Variants in PDK3 observed in about 807,000 individuals in gnomAD.
PDK3 encodes the protein pyruvate dehydrogenase kinase 3.
A neutral mutation model predicts 32.0 loss-of-function variants in PDK3; 12 were observed. The observed-to-expected ratio is 0.37, with a 90% confidence interval of 0.24 to 0.61. The LOEUF is 0.61. Among genes scored for constraint, PDK3 ranks in the 20% least tolerant of loss-of-function variants. The pLI, the probability that PDK3 is intolerant of heterozygous loss-of-function variation, is 0.65. For synonymous variants in PDK3, 122 were observed against 116.3 expected (o/e 1.05, Z -0.31); for missense variants, 188 against 316.9 (o/e 0.59, Z 3.09).
At chrX:24,494,271 C>G (rs1010282221) in intron 1 of PDK3, among the ~76,000 whole-genome samples, 3 of 112,198 alleles carry the variant, frequency 2.7e-5, no homozygotes, top group Non-Finnish European at 5.6e-5. Context: ...GAGCTATGGT[C>G]CCTGAAGAAA....
chrX:24,545,128 A>G (rs1371350985), exon 12 of PDK3, among the ~76,000 whole-genome samples: 3 of 112,087 alleles, frequency 2.7e-5, no homozygotes, highest in Non-Finnish European at 5.6e-5. Context: ...AGAATACTCC[A>G]AACTAGCACA....
At chrX:24,522,062 C>A (rs1922411504) in intron 6 of PDK3, among the ~76,000 whole-genome samples, 1 of 112,016 alleles carries the variant, frequency 8.9e-6, no homozygotes, top group African/African-American at 3.2e-5. Flanking sequence ...GGAGAACTGT[C>A]TGGAAATAAA....
chrX:24,481,306 C>A (rs975221100), intron 1 of PDK3, among the ~76,000 whole-genome samples: 1 of 112,337 alleles, frequency 8.9e-6, no homozygotes, highest in African/African-American at 3.2e-5. Context: ...GCTGGGATTA[C>A]AGGCGTGAGC....
chrX:24,523,503 C>G (rs764804061), intron 6 of PDK3, among the ~76,000 whole-genome samples: 96 of 112,081 alleles, frequency 8.6e-4, no homozygotes, highest in African/African-American at 3.0e-3. Context: ...TGGAGGGACT[C>G]TGGGGGCAGG....
At chrX:24,497,886 C>T (rs995580827) in intron 2 of PDK3, among the ~76,000 whole-genome samples, 1 of 112,230 alleles carries the variant, frequency 8.9e-6, no homozygotes, top group Non-Finnish European at 1.9e-5. Context: ...CCACCAGATC[C>T]AACAGATCCT....
exon 12 of PDK3, chrX:24,546,978 C>T (rs1177049794): frequency 8.9e-6 from 1 of 112,599 alleles, no homozygotes; most frequent in Non-Finnish European, 1.9e-5. Flanking sequence ...GTTCATAATG[C>T]ATCCTGTATG....
intron 5 of PDK3, among the ~76,000 whole-genome samples, chrX:24,517,520 G>C (rs1922286824): frequency 9.0e-6 from 1 of 111,698 alleles, no homozygotes; most frequent in African/African-American, 3.3e-5. Flanking sequence ...ACTGCACCCG[G>C]CTCAAGGACT....
At chrX:24,474,570 C>T (rs944351810) in intron 1 of PDK3, among the ~76,000 whole-genome samples, 22 of 109,691 alleles carry the variant, frequency 2.0e-4, no homozygotes, top group Non-Finnish European at 3.8e-4. Context: ...TGCGCCACCA[C>T]GCCCGGCTAA....
intron 6 of PDK3, among the ~76,000 whole-genome samples, chrX:24,520,859 T>C (rs1451964292): frequency 8.9e-6 from 1 of 111,934 alleles, no homozygotes; most frequent in African/African-American, 3.3e-5. Flanking sequence ...CTATATTCCA[T>C]ATAATGAGCT....
Position 24,465,579 on chromosome X carries a change from G to GGTCCCC in PDK3, c.106+19_106+24dup. ...GGACTTCGGTGAGTACGGGGCCAAG[G>GGTCCCC]GTCCCCATGGGCCCGGGGCCGCCGC... On this transcript the variant is annotated intron_variant, in intron 1 of 10. Coordinates refer to ENST00000379162, the MANE Select transcript of PDK3 (RefSeq NM_005391.5). 1 of 1,098,259 alleles carries GGTCCCC rather than the reference G, an allele frequency of 9.1e-7. No homozygotes were observed. The highest frequency in any genetic ancestry group is 1.2e-6 in the Non-Finnish European group (1 of 800,277). The allele number at this position is 1,098,259 out of a possible 1,213,427, so 90.5% of individuals were successfully genotyped here.
In PDK3 at chrX:24,512,186, A is replaced by G. The variant is rs980895503; in HGVS notation, c.596-6747A>G. Among the ~76,000 whole-genome samples, 7 of 111,619 alleles carry G rather than the reference A, an allele frequency of 6.3e-5. No homozygotes were observed. The East Asian group carries it at 2.0e-3, about 31-fold the overall frequency. On this transcript the variant is annotated intron_variant, in intron 5 of 10. Transcript: ENST00000379162. Reference sequence around the variant, plus strand: ...TATTATCCTTTGGGAGGTGCCTTCCACTGTGACCCTTTTCCCTCCTTTCTT... The same window carrying G: ...TATTATCCTTTGGGAGGTGCCTTCCGCTGTGACCCTTTTCCCTCCTTTCTT...
chrX:24,492,202 C>T (rs1487992546), intron 1 of PDK3, among the ~76,000 whole-genome samples: 2 of 111,788 alleles, frequency 1.8e-5, no homozygotes, highest in Non-Finnish European at 3.8e-5. Flanking sequence ...TATATTCATC[C>T]AGAACCTTTT....
At chrX:24,475,515 C>G (rs1053117563) in intron 1 of PDK3, among the ~76,000 whole-genome samples, 209 of 110,396 alleles carry the variant, frequency 1.9e-3, no homozygotes, top group African/African-American at 6.6e-3. Context: ...AAAAATTATC[C>G]AGGCATAGTG....
chrX:24,471,650 G>A (rs1017667155), intron 1 of PDK3, among the ~76,000 whole-genome samples: 6 of 111,994 alleles, frequency 5.4e-5, no homozygotes, highest in Non-Finnish European at 9.4e-5. Flanking sequence ...GATTTGTCAT[G>A]GATCAAACAC....
intron 1 of PDK3, among the ~76,000 whole-genome samples, chrX:24,472,005 T>C (rs1274929966): frequency 8.9e-6 from 1 of 112,447 alleles, no homozygotes; most frequent in Non-Finnish European, 1.9e-5. Flanking sequence ...CTTTTTCATG[T>C]GGTAAGTTTA....
At chrX:24,521,143 G>GA in intron 6 of PDK3, among the ~76,000 whole-genome samples, 1 of 109,625 alleles carries the variant, frequency 9.1e-6, no homozygotes, top group African/African-American at 3.3e-5. Context: ...GCTGGACATA[G>GA]TGGCATGTGC....
At chrX:24,505,704 A>G (rs769162792) in intron 5 of PDK3, among the ~76,000 whole-genome samples, 35 of 112,090 alleles carry the variant, frequency 3.1e-4, no homozygotes, top group Middle Eastern at 4.6e-3. Flanking sequence ...TGGCTTTAGA[A>G]TTTATGTGGC....
At chrX:24,475,941 T>C (rs1218933534) in intron 1 of PDK3, among the ~76,000 whole-genome samples, 1 of 111,512 alleles carries the variant, frequency 9.0e-6, no homozygotes, top group Non-Finnish European at 1.9e-5. Flanking sequence ...GGTTGGGTGG[T>C]TTCCTCCCAT....
At chrX:24,499,079 C>T in intron 3 of PDK3, 179 bp downstream of exon 3, 2 of 321,302 alleles carry the variant, frequency 6.2e-6, no homozygotes, top group Non-Finnish European at 1.1e-5. Flanking sequence ...GAATGTAACA[C>T]AATACAAAAG....
Sources: allele counts gnomAD v4.1 joint callset (sites outside exome capture counted in the v4.1 genomes callset), GRCh38; gene constraint gnomAD v4.1.1; transcripts MANE v1.5; gene names NCBI Gene and HGNC (gene_info 2026-07-23, HGNC 2026-07-21).